ALG1: variants seen among roughly 807,000 people sequenced by gnomAD.
ALG1 encodes ALG1 chitobiosyldiphosphodolichol beta-mannosyltransferase, also known as chitobiosyldiphosphodolichol beta-mannosyltransferase.
A neutral mutation model predicts 55.1 loss-of-function variants in ALG1; 58 were observed. The ratio of observed to expected loss-of-function variants is 1.05; its 90% confidence interval spans 0.85 to 1.31. The LOEUF (loss-of-function observed/expected upper bound fraction) is 1.31, where lower values mean the gene tolerates loss of function less well. ALG1 is among the 50% of genes most tolerant of loss of function. ALG1 has a pLI of 0.00. For missense variants in ALG1, 761 were observed against 598.6 expected (o/e 1.27, Z -2.83); for synonymous variants, 309 against 247.0 (o/e 1.25, Z -2.35).
rs770727692 is a variant in ALG1, at chr16:5,079,069, G to A, written c.868G>A (p.Glu290Lys). 1.2e-6 allele frequency: 2 copies of A among 1,600,024 alleles called. No individual in the cohort carries two copies. The highest frequency in any genetic ancestry group is 2.2e-5 in the East Asian group (1 of 44,878). Residue 290 changes from glutamate to lysine, a missense_variant, in exon 8 of 13, where the codon GAA becomes AAA. Physicochemically the swap from Glu to Lys is moderately conservative, Grantham distance 56 (BLOSUM62 1). Transcript: ENST00000262374. ...LVSSTSWTED[E>K]DFSILLAALE... is the part of the protein sequence containing the mutation. Reference sequence around the variant, plus strand: ...ATTCAATTCTCTTCTCATAGAGGACGAAGACTTCTCCATCCTGCTGGCAGC... The same window carrying A: ...ATTCAATTCTCTTCTCATAGAGGACAAAGACTTCTCCATCCTGCTGGCAGC...
At position 5,082,435 on chromosome 16, in the gene ALG1, T is replaced by C; in HGVS notation, c.1073-124T>C. On this transcript the variant is annotated intron_variant, in intron 10 of 12. Transcript: ENST00000262374. ...CTTGGCCAGCTTAAGCCACTTGTGT[T>C]TGGGGCTGTTGGGGGCCTTATCTGA... is the stretch of plus-strand genomic sequence containing the variant. The C allele has an allele frequency of 3.0e-6, 3 of 1,011,118 alleles. No individual in the cohort carries two copies. The South Asian group carries it at 4.1e-5, about 14-fold the overall frequency. 62.6% of individuals were successfully genotyped at this position (1,011,118 alleles called of 1,614,324 possible).
chr16:5,085,598 A>AT lies in ALG1; in HGVS notation c.*719dup. 2 of 1,430,258 alleles carry AT rather than the reference A, an allele frequency of 1.4e-6. No individual in the cohort carries two copies. The highest frequency in any genetic ancestry group is 2.0e-6 in the Non-Finnish European group (2 of 1,014,068). The allele number at this position is 1,430,258 out of a possible 1,614,324, so 88.6% of individuals were successfully genotyped here. On this transcript the variant is annotated 3_prime_UTR_variant, in exon 13 of 13. Coordinates refer to ENST00000262374, the MANE Select transcript of ALG1 (RefSeq NM_019109.5). ...AAATTCTTCCCATGAGAGTGACTTG[A>AT]TTCTCACAATCCCGTTGGAGTCGTG...
rs769041738 is a variant in ALG1, at chr16:5,085,612, G to A, written c.*731G>A. 9 of 1,514,074 alleles carry A rather than the reference G, an allele frequency of 5.9e-6. No homozygotes were observed. The highest frequency in any genetic ancestry group is 8.3e-6 in the Non-Finnish European group (9 of 1,090,634). 93.8% of individuals were successfully genotyped at this position (1,514,074 alleles called of 1,614,324 possible). A position where few individuals can be genotyped will look rare whatever the true frequency, so the allele number is the denominator to read the frequency against. The stretch of plus-strand genomic sequence containing the variant: ...AGAGTGACTTGATTCTCACAATCCC[G>A]TTGGAGTCGTGTGTGAGTCCTACAG... On this transcript the variant is annotated 3_prime_UTR_variant, in exon 13 of 13. Coordinates refer to ENST00000262374, the MANE Select transcript of ALG1 (RefSeq NM_019109.5).
chr16:5,080,891 C>T (rs1957004538), intron 9 of ALG1, 55 bp from the exon 10 acceptor site: 1 of 1,585,066 alleles, frequency 6.3e-7, no homozygotes, highest in Admixed American at 1.7e-5. Flanking sequence ...GGGCCTGGGG[C>T]CACGTGGCAG....
intron 10 of ALG1, 54 bp downstream of exon 10, chr16:5,081,110 G>GC: frequency 1.3e-4 from 68 of 519,906 alleles, no homozygotes; most frequent in Middle Eastern, 6.0e-4. Flanking sequence ...GGGTGGGCGG[G>GC]ATGTACTTTT....
intron 3 of ALG1, among the ~76,000 whole-genome samples, chr16:5,073,647 G>A (rs1444908689): frequency 1.3e-5 from 2 of 152,240 alleles, no homozygotes; most frequent in African/African-American, 2.4e-5. Flanking sequence ...GTGGAATCAG[G>A]ATTTGAACGT....
intron 11 of ALG1, among the ~76,000 whole-genome samples, chr16:5,083,381 A>G (rs1230821068): frequency 1.3e-5 from 2 of 152,186 alleles, no homozygotes; most frequent in African/African-American, 2.4e-5. Context: ...TTCCATGGCC[A>G]TGGAATTAAG....
rs765907358 is a variant in ALG1, at chr16:5,082,601, G to A, written c.1115G>A (p.Gly372Asp). ...LGVCLHTSSS[G>D]LDLPMKVVDM... ...GTCTGTCTGCACACGTCCTCCAGTGGCCTGGACCTGCCCATGAAGGTGGTG... is the reference window on the plus strand; with the variant it reads ...GTCTGTCTGCACACGTCCTCCAGTGACCTGGACCTGCCCATGAAGGTGGTG... The change falls in exon 11 of 13, where the codon GGC (glycine) becomes GAC (aspartate). Residue 372 changes from glycine to aspartate, a missense_variant. Transcript: ENST00000262374. The A allele has an allele frequency of 6.2e-7, 1 of 1,612,014 alleles. No individual in the cohort carries two copies. The highest frequency in any genetic ancestry group is 8.5e-7 in the Non-Finnish European group (1 of 1,179,860).
intron 5 of ALG1, 31 bp downstream of exon 5, chr16:5,077,565 G>A: frequency 6.2e-7 from 1 of 1,609,798 alleles, no homozygotes; most frequent in Admixed American, 1.7e-5. Context: ...GGCGGCCTGG[G>A]AGAGGCGCGG....
rs144675651 is a variant in ALG1, at chr16:5,083,004, A to T, written c.1187+331A>T. Among the ~76,000 whole-genome samples, 255 of 152,320 alleles carry T rather than the reference A, an allele frequency of 1.7e-3. 3 individuals are homozygous for T. The highest frequency in any genetic ancestry group is 5.8e-3 in the African/African-American group (243 of 41,570). On this transcript the variant is annotated intron_variant, in intron 11 of 12. Coordinates refer to ENST00000262374, the MANE Select transcript of ALG1 (RefSeq NM_019109.5). The stretch of plus-strand genomic sequence containing the variant: ...AACTCCACTCGGGGCTTTTGCTCCT[A>T]GGGTAGAATTGGTGGGAATTGCCTG...
rs748104106 is a variant in ALG1 at position 5,080,926 on chromosome 16, G to A, written c.962-20G>A. ...GGGACAGAGATGGGTCCATGGCAGTGTCTGCTCTTCTCTGTGAAGGCAAAG... is the reference window on the plus strand; with the variant it reads ...GGGACAGAGATGGGTCCATGGCAGTATCTGCTCTTCTCTGTGAAGGCAAAG... On this transcript the variant is annotated intron_variant, in intron 9 of 12. Transcript: ENST00000262374. The A allele has an allele frequency of 1.4e-5, 22 of 1,595,490 alleles. No individual in the cohort carries two copies. The highest frequency in any genetic ancestry group is 5.1e-6 in the Non-Finnish European group (6 of 1,179,038).
chr16:5,084,003 T>C (rs1251370103), intron 12 of ALG1, among the ~76,000 whole-genome samples: 5 of 152,098 alleles, frequency 3.3e-5, no homozygotes, highest in African/African-American at 1.2e-4. Flanking sequence ...ACTCCACAAA[T>C]GATGCTGGAG....
At chr16:5,074,450 C>T (rs1415288838) in intron 3 of ALG1, among the ~76,000 whole-genome samples, 1 of 152,176 alleles carries the variant, frequency 6.6e-6, no homozygotes, top group East Asian at 1.9e-4. Flanking sequence ...GTGACCCACA[C>T]CTTCCTCTTT....
In ALG1 at chr16:5,086,190, C is replaced by G. The variant is rs570262270; in HGVS notation, c.*1309C>G. Reference sequence around the variant, plus strand: ...ATCTCTACAAAAATACAGAAATTAGCCAGGCATGATGGCGAGTGCCTGTAA... The same window carrying G: ...ATCTCTACAAAAATACAGAAATTAGGCAGGCATGATGGCGAGTGCCTGTAA... On this transcript the variant is annotated 3_prime_UTR_variant, in exon 13 of 13. Coordinates refer to ENST00000262374, the MANE Select transcript of ALG1 (RefSeq NM_019109.5). 4.1e-4 allele frequency among the ~76,000 whole-genome samples: 62 copies of G among 152,220 alleles called. 1 individual carries two copies. Among genetic ancestry groups the G allele is most frequent in the African/African-American group, 1.5e-3 (61 of 41,566 alleles).
In ALG1 at chr16:5,085,066, C is replaced by G. The variant is rs2142734147; in HGVS notation, c.*185C>G. 2 of 1,110,542 alleles carry G rather than the reference C, an allele frequency of 1.8e-6. No homozygotes were observed. Among genetic ancestry groups the G allele is most frequent in the East Asian group, 2.6e-5 (1 of 39,110 alleles). 68.8% of individuals were successfully genotyped at this position (1,110,542 alleles called of 1,614,324 possible). The stretch of plus-strand genomic sequence containing the variant: ...GGGAAGCTTTGGTTGGCCTTGATTT[C>G]TTCTCTGGAGGCTTGGAAACGCTTC... On this transcript the variant is annotated 3_prime_UTR_variant, in exon 13 of 13. Coordinates refer to ENST00000262374, the MANE Select transcript of ALG1 (RefSeq NM_019109.5).
At chr16:5,074,929 G>A (rs1208851661) in intron 3 of ALG1, among the ~76,000 whole-genome samples, 1 of 152,100 alleles carries the variant, frequency 6.6e-6, no homozygotes, top group Non-Finnish European at 1.5e-5. Flanking sequence ...TAGAGGCAGA[G>A]TCTAGCTCTG....
At position 5,085,204 on chromosome 16, in the gene ALG1, C is replaced by G. The variant is rs1221801058; in HGVS notation, c.*323C>G. 7.2e-6 allele frequency: 4 copies of G among 558,470 alleles called. No individual in the cohort carries two copies. Among genetic ancestry groups the G allele is most frequent in the Admixed American group, 6.2e-5 (2 of 32,106 alleles). 34.6% of individuals were successfully genotyped at this position (558,470 alleles called of 1,614,324 possible). ...CCTGCGTTTGGTCTCCAGGTGTCCC[C>G]TTTCTGCCGTGTTCCTAACATTTTG... On this transcript the variant is annotated 3_prime_UTR_variant, in exon 13 of 13. Coordinates refer to ENST00000262374, the MANE Select transcript of ALG1 (RefSeq NM_019109.5).
In ALG1 at chr16:5,084,890, C is replaced by G; in HGVS notation, c.*9C>G. 1 of 1,581,208 alleles carries G rather than the reference C, an allele frequency of 6.3e-7. No individual in the cohort carries two copies. The highest frequency in any genetic ancestry group is 8.5e-7 in the Non-Finnish European group (1 of 1,171,782). On this transcript the variant is annotated 3_prime_UTR_variant, in exon 13 of 13. Coordinates refer to ENST00000262374, the MANE Select transcript of ALG1 (RefSeq NM_019109.5). Reference sequence around the variant, plus strand: ...TGGTTATGGACACATAACTCCTGGGCCAGAGGCTAAAACCCCAGGACCCCT... The same window carrying G: ...TGGTTATGGACACATAACTCCTGGGGCAGAGGCTAAAACCCCAGGACCCCT...
chr16:5,084,935 C>T lies in ALG1; in HGVS notation c.*54C>T. 6.3e-7 allele frequency: 1 copy of T among 1,596,360 alleles called. No homozygotes were observed. Among genetic ancestry groups the T allele is most frequent in the African/African-American group, 1.3e-5 (1 of 74,960 alleles). On this transcript the variant is annotated 3_prime_UTR_variant, in exon 13 of 13. Transcript: ENST00000262374. The stretch of plus-strand genomic sequence containing the variant: ...ACCCCTGCTGTCCTTCCCGCAGCTT[C>T]TTCTTGGAGTCTCAGGGCAAACCCT...
Sources: allele counts gnomAD v4.1 joint callset (sites outside exome capture counted in the v4.1 genomes callset), GRCh38; gene constraint gnomAD v4.1.1; transcripts MANE v1.5; gene names NCBI Gene and HGNC (gene_info 2026-07-23, HGNC 2026-07-21).